The following MRPS27 variants were observed in gnomAD, a reference collection of about 807,000 sequenced individuals.
The protein encoded by MRPS27 is mitochondrial ribosomal protein S27.
A neutral mutation model predicts 48.9 loss-of-function variants in MRPS27; 43 were observed. That is an observed-to-expected ratio of 0.88 (90% CI 0.69 to 1.13). MRPS27 has a LOEUF of 1.13. MRPS27 is among the 50% of genes most tolerant of loss of function. The pLI is 0.00. For synonymous variants in MRPS27, 188 were observed against 171.9 expected, an observed-to-expected ratio of 1.09 and a Z score of -0.73; for missense variants, 467 against 476.3, an observed-to-expected ratio of 0.98 and a Z score of 0.18.
chr5:72,254,158 T>A (rs898904088), intron 4 of MRPS27, among the ~76,000 whole-genome samples: 5 of 152,346 alleles, frequency 3.3e-5, no homozygotes, highest in African/African-American at 1.2e-4. Flanking sequence ...AGCTAAGTTT[T>A]ATCTATATTT....
intron 4 of MRPS27, among the ~76,000 whole-genome samples, chr5:72,284,152 C>T (rs1328502609): frequency 6.6e-6 from 1 of 151,718 alleles, no homozygotes; most frequent in East Asian, 1.9e-4. Flanking sequence ...GTGGCTCATG[C>T]CTATAATCCC....
chr5:72,297,849 AAG>A (rs1444871099), intron 2 of MRPS27, 147 bp from the exon 3 acceptor site: 15 of 429,632 alleles, frequency 3.5e-5, no homozygotes, highest in Non-Finnish European at 6.0e-5. Flanking sequence ...AAGAGGAAAA[AAG>A]AATATTCTTT....
At position 72,275,343 on chromosome 5, in the gene MRPS27, A is replaced by C. The variant is rs1348253456; in HGVS notation, c.281+20188T>G. 2.6e-5 allele frequency among the ~76,000 whole-genome samples: 4 copies of C among 152,196 alleles called. No homozygotes were observed. In the East Asian group the frequency reaches 7.7e-4, roughly 29 times the overall value. ...ACAAGCAAAGTGAAGGACTTCTTCA[A>C]GGAGAACTACAAACCACTGCTCAAG... On this transcript the variant is annotated intron_variant, in intron 4 of 10. Transcript: ENST00000261413.
chr5:72,265,995 G>A (rs1009878024), intron 4 of MRPS27, among the ~76,000 whole-genome samples: 9 of 152,086 alleles, frequency 5.9e-5, no homozygotes, highest in Admixed American at 2.6e-4. Flanking sequence ...TGGTGTATTC[G>A]AAATTTGAAT....
intron 1 of MRPS27, among the ~76,000 whole-genome samples, chr5:72,319,045 A>C (rs1750655616): frequency 6.6e-6 from 1 of 152,184 alleles, no homozygotes; most frequent in Non-Finnish European, 1.5e-5. Flanking sequence ...GGCTGTTCCT[A>C]AAGAAGTGCG....
intron 1 of MRPS27, among the ~76,000 whole-genome samples, chr5:72,318,711 T>C (rs1235399552): frequency 6.6e-6 from 1 of 151,876 alleles, no homozygotes; most frequent in East Asian, 1.9e-4. Context: ...GGAGAATCAC[T>C]TGAACCCGGG....
chr5:72,254,355 G>C (rs1452958323), intron 4 of MRPS27, among the ~76,000 whole-genome samples: 1 of 152,240 alleles, frequency 6.6e-6, no homozygotes, highest in East Asian at 1.9e-4. Context: ...TTCCTGGTGT[G>C]TGGTGGTGTG....
chr5:72,244,142 T>A (rs965163526), intron 4 of MRPS27, among the ~76,000 whole-genome samples: 4 of 152,226 alleles, frequency 2.6e-5, no homozygotes, highest in African/African-American at 7.2e-5. Context: ...AGTAGTTTTT[T>A]TTTTGAGCCC....
At chr5:72,313,992 T>C in intron 2 of MRPS27, 89 bp downstream of exon 2, 2 of 973,388 alleles carry the variant, frequency 2.1e-6, no homozygotes, top group Non-Finnish European at 3.1e-6. Flanking sequence ...CATAAAAGCA[T>C]AATTTCATAT....
chr5:72,289,784 T>C (rs1252490589), intron 4 of MRPS27, among the ~76,000 whole-genome samples: 1 of 152,214 alleles, frequency 6.6e-6, no homozygotes. Context: ...TGACTTATCC[T>C]TCAGGAATGA....
chr5:72,258,811 CT>C (rs1443155543), intron 4 of MRPS27, among the ~76,000 whole-genome samples: 1 of 152,136 alleles, frequency 6.6e-6, no homozygotes, highest in East Asian at 1.9e-4. Flanking sequence ...CTCAGGCATT[CT>C]GTTATAGCAG....
At chr5:72,308,692 T>A (rs1256903764) in intron 2 of MRPS27, among the ~76,000 whole-genome samples, 1 of 152,122 alleles carries the variant, frequency 6.6e-6, no homozygotes, top group Non-Finnish European at 1.5e-5. Context: ...CAAATAAAAA[T>A]GAGGGAAAAC....
intron 4 of MRPS27, among the ~76,000 whole-genome samples, chr5:72,258,686 G>A (rs1748880466): frequency 6.6e-6 from 1 of 152,114 alleles, no homozygotes; most frequent in Non-Finnish European, 1.5e-5. Flanking sequence ...GTGCCATCTT[G>A]GAAACAGAGA....
chr5:72,290,382 C>G (rs1484181331), intron 4 of MRPS27, among the ~76,000 whole-genome samples: 1 of 152,198 alleles, frequency 6.6e-6, no homozygotes, highest in African/African-American at 2.4e-5. Context: ...AGCCTGGTCT[C>G]TCTGGAATTT....
At chr5:72,231,369 C>T (rs1242965623) in intron 7 of MRPS27, among the ~76,000 whole-genome samples, 1 of 152,100 alleles carries the variant, frequency 6.6e-6, no homozygotes, top group Admixed American at 6.6e-5. Flanking sequence ...TAAGGAAGCC[C>T]TTCCTAACCA....
chr5:72,220,738 TC>T lies in MRPS27; in HGVS notation c.*170del, dbSNP rs1291756475. On this transcript the variant is annotated 3_prime_UTR_variant, in exon 11 of 11. Transcript: ENST00000261413. The stretch of plus-strand genomic sequence containing the variant: ...GCCACCTGCATAGTTCCATAGCCCT[TC>T]TTGGCATCTCGATGGGCAGTCATGG... The T allele has an allele frequency of 2.1e-6, 2 of 952,776 alleles. No homozygotes were observed. Among genetic ancestry groups the T allele is most frequent in the Non-Finnish European group, 3.1e-6 (2 of 642,580 alleles). 59.0% of individuals were successfully genotyped at this position (952,776 alleles called of 1,614,324 possible). A position where few individuals can be genotyped will look rare whatever the true frequency, so the allele number is the denominator to read the frequency against.
rs148991600 is a variant in MRPS27, at chr5:72,300,351, C to T, written c.152-2649G>A. Among the ~76,000 whole-genome samples, 543 of 152,288 alleles carry T rather than the reference C, an allele frequency of 3.6e-3. 5 individuals carry two copies. The highest frequency in any genetic ancestry group is 7.1e-3 in the Admixed American group (109 of 15,302). On this transcript the variant is annotated intron_variant, in intron 2 of 10. Transcript: ENST00000261413. ...CAGACTTCCCTTCTCCATCTATGCT[C>T]GGTCCCTAGGTGATCTCATTCTCTG...
intron 4 of MRPS27, among the ~76,000 whole-genome samples, chr5:72,287,959 A>T (rs1218227845): frequency 6.6e-6 from 1 of 152,228 alleles, no homozygotes; most frequent in East Asian, 1.9e-4. Flanking sequence ...TTGTGCATGG[A>T]TGTCTGCAGC....
intron 4 of MRPS27, among the ~76,000 whole-genome samples, chr5:72,278,661 T>C (rs1749449843): frequency 2.0e-5 from 3 of 152,308 alleles, no homozygotes; most frequent in South Asian, 4.1e-4. Context: ...CATGTATCCA[T>C]GTAAGTGATG....
Sources: allele counts gnomAD v4.1 joint callset (sites outside exome capture counted in the v4.1 genomes callset), GRCh38; gene constraint gnomAD v4.1.1; transcripts MANE v1.5; gene names NCBI Gene and HGNC (gene_info 2026-07-23, HGNC 2026-07-21).